The following TM4SF4 variants were observed in gnomAD, a reference collection of about 807,000 sequenced individuals.
The protein encoded by TM4SF4 is transmembrane 4 L six family member 4, also known as transmembrane 4 L6 family member 4.
TM4SF4 carries 24 observed loss-of-function variants against 24.1 expected under a neutral mutation model. That is an observed-to-expected ratio of 1.00 (90% CI 0.72 to 1.40). The LOEUF is 1.40. Ranked by LOEUF, TM4SF4 falls within the 40% of genes most tolerant of loss-of-function variation. The pLI is 0.00. For missense variants in TM4SF4, 254 were observed against 254.2 expected (o/e 1.00, Z 0.01); for synonymous variants, 113 against 97.0 (o/e 1.17, Z -0.97).
chr3:149,502,787 T>C lies in TM4SF4; in HGVS notation c.*94T>C. On this transcript the variant is annotated 3_prime_UTR_variant, in exon 5 of 5. Coordinates refer to ENST00000305354, the MANE Select transcript of TM4SF4 (RefSeq NM_004617.4). ...CTTCTTGGAATTATTAATTCCTATC[T>C]GCTTCCTAGCTGATAAAGCTTAGAA... 1.1e-6 allele frequency: 1 copy of C among 915,958 alleles called. No homozygotes were observed. The highest frequency in any genetic ancestry group is 1.8e-6 in the Non-Finnish European group (1 of 563,374). 56.7% of individuals were successfully genotyped at this position (915,958 alleles called of 1,614,324 possible).
At chr3:149,479,824 C>T (rs1734003211) in intron 2 of TM4SF4, among the ~76,000 whole-genome samples, 1 of 152,190 alleles carries the variant, frequency 6.6e-6, no homozygotes, top group African/African-American at 2.4e-5. Flanking sequence ...TCCTCTCTCT[C>T]TTCTCTCATC....
At chr3:149,478,965 C>G (rs34573045) in intron 2 of TM4SF4, among the ~76,000 whole-genome samples, 53,036 of 151,954 alleles carry the variant, frequency 0.35, 9,878 homozygotes, top group Non-Finnish European at 0.42. Flanking sequence ...CGGGGTTTCA[C>G]CATGTTGGCC....
intron 2 of TM4SF4, 73 bp downstream of exon 2, chr3:149,475,985 G>T: frequency 1.5e-6 from 2 of 1,328,370 alleles, no homozygotes; most frequent in Non-Finnish European, 2.1e-6. Context: ...GCAGCATGGG[G>T]ATGGAGACAA....
chr3:149,483,014 T>C (rs1340439514), intron 2 of TM4SF4, among the ~76,000 whole-genome samples: 1 of 152,228 alleles, frequency 6.6e-6, no homozygotes, highest in Non-Finnish European at 1.5e-5. Flanking sequence ...GTATCTTTCT[T>C]CCTGTGATTT....
At chr3:149,494,143 GAC>G (rs1047033747) in intron 3 of TM4SF4, among the ~76,000 whole-genome samples, 3 of 152,174 alleles carry the variant, frequency 2.0e-5, no homozygotes, top group African/African-American at 7.2e-5. Flanking sequence ...TGGGGAGTTG[GAC>G]ACAGTGATCA....
chr3:149,478,913 GC>G (rs1733981436), intron 2 of TM4SF4, among the ~76,000 whole-genome samples: 1 of 152,118 alleles, frequency 6.6e-6, no homozygotes. Context: ...ACAAGTGCTT[GC>G]CACCATGCTC....
chr3:149,484,415 G>T (rs1165844660), intron 2 of TM4SF4, among the ~76,000 whole-genome samples: 1 of 151,990 alleles, frequency 6.6e-6, no homozygotes, highest in African/African-American at 2.4e-5. Flanking sequence ...ATGGACTCTC[G>T]CTCTGTCACC....
At chr3:149,478,654 G>A (rs1209394085) in intron 2 of TM4SF4, among the ~76,000 whole-genome samples, 1 of 152,230 alleles carries the variant, frequency 6.6e-6, no homozygotes, top group African/African-American at 2.4e-5. Flanking sequence ...AGGACCAGCT[G>A]TGCCAGATTG....
intron 2 of TM4SF4, among the ~76,000 whole-genome samples, chr3:149,482,602 G>C (rs1356129460): frequency 2.0e-5 from 3 of 152,138 alleles, no homozygotes; most frequent in African/African-American, 7.2e-5. Context: ...GAAGTGCAGT[G>C]GTGCAATCTC....
At chr3:149,477,993 T>C (rs911458999) in intron 2 of TM4SF4, among the ~76,000 whole-genome samples, 1 of 151,654 alleles carries the variant, frequency 6.6e-6, no homozygotes, top group Non-Finnish European at 1.5e-5. Flanking sequence ...AATATAAAAA[T>C]AAGGGATCTT....
chr3:149,482,931 A>G (rs1235805921), intron 2 of TM4SF4, among the ~76,000 whole-genome samples: 1 of 152,166 alleles, frequency 6.6e-6, no homozygotes, highest in Non-Finnish European at 1.5e-5. Flanking sequence ...TATCTCTAAG[A>G]ATTTATTCTA....
chr3:149,487,828 T>G, intron 3 of TM4SF4, 73 bp downstream of exon 3: 1 of 1,568,632 alleles, frequency 6.4e-7, no homozygotes, highest in African/African-American at 1.4e-5. Flanking sequence ...AAGGGGAGAC[T>G]GCACACAATG....
intron 4 of TM4SF4, among the ~76,000 whole-genome samples, chr3:149,501,428 A>G (rs902420409): frequency 6.6e-6 from 1 of 152,216 alleles, no homozygotes; most frequent in Admixed American, 6.5e-5. Context: ...AGTTGAAGGA[A>G]TGGTGCAATG....
At chr3:149,481,114 C>G (rs953633722) in intron 2 of TM4SF4, among the ~76,000 whole-genome samples, 4 of 152,192 alleles carry the variant, frequency 2.6e-5, no homozygotes, top group Non-Finnish European at 1.5e-5. Flanking sequence ...CCTGCCTTAG[C>G]CTCCCAAAGT....
At chr3:149,475,319 C>G (rs1190048447) in intron 1 of TM4SF4, among the ~76,000 whole-genome samples, 2 of 152,114 alleles carry the variant, frequency 1.3e-5, no homozygotes, top group Non-Finnish European at 2.9e-5. Context: ...AAGTGAAGGT[C>G]GCATAGTTTC....
chr3:149,490,530 G>C (rs924211618), intron 3 of TM4SF4, among the ~76,000 whole-genome samples: 2 of 152,160 alleles, frequency 1.3e-5, no homozygotes, highest in Non-Finnish European at 2.9e-5. Context: ...TTTCTTAGTG[G>C]CAGAAGCTCA....
intron 3 of TM4SF4, among the ~76,000 whole-genome samples, chr3:149,492,623 T>G (rs1734231879): frequency 1.3e-5 from 2 of 152,064 alleles, no homozygotes. Context: ...GACGGGGCTA[T>G]GCATGGCACT....
chr3:149,482,225 C>T (rs919858690), intron 2 of TM4SF4, among the ~76,000 whole-genome samples: 13 of 152,196 alleles, frequency 8.5e-5, no homozygotes, highest in Non-Finnish European at 2.9e-5. Flanking sequence ...AGATTAACTT[C>T]CCAAGATCAT....
intron 2 of TM4SF4, among the ~76,000 whole-genome samples, chr3:149,479,351 T>TTTTTC (rs1193602556): frequency 2.0e-5 from 3 of 147,184 alleles, no homozygotes; most frequent in African/African-American, 7.5e-5. Flanking sequence ...TAATCATTTC[T>TTTTTC]TTTTCTTTTC....
Sources: allele counts gnomAD v4.1 joint callset (sites outside exome capture counted in the v4.1 genomes callset), GRCh38; gene constraint gnomAD v4.1.1; transcripts MANE v1.5; gene names NCBI Gene and HGNC (gene_info 2026-07-23, HGNC 2026-07-21).